Variants in PDE10A observed in about 807,000 individuals in gnomAD.
PDE10A encodes the protein cAMP and cAMP-inhibited cGMP 3',5'-cyclic phosphodiesterase 10A.
Under a neutral mutation model 97.7 loss-of-function variants are expected in PDE10A, and 39 were observed. The observed-to-expected ratio is 0.40, with a 90% CI of 0.31 to 0.52. PDE10A has a LOEUF of 0.52. Among genes scored for constraint, PDE10A ranks in the 20% least tolerant of loss-of-function variants. The probability of loss-of-function intolerance (pLI) is 0.56; values close to 1 mark genes in which losing one functional copy is unlikely to be tolerated. For synonymous variants in PDE10A, 371 were observed against 376.8 expected (o/e 0.98, Z 0.18); for missense variants, 731 against 1,047.8 (o/e 0.70, Z 4.17).
intron 1 of PDE10A, among the ~76,000 whole-genome samples, chr6:165,925,733 G>A (rs534218817): frequency 6.6e-6 from 1 of 152,338 alleles, no homozygotes; most frequent in African/African-American, 2.4e-5. Flanking sequence ...GGAGATAAAA[G>A]CATTGGCTGT....
At chr6:165,765,501 G>A (rs1226041767) in intron 1 of PDE10A, among the ~76,000 whole-genome samples, 2 of 152,260 alleles carry the variant, frequency 1.3e-5, no homozygotes, top group African/African-American at 2.4e-5. Flanking sequence ...GGGGGACCCA[G>A]TACACCCTCC....
chr6:165,587,155 T>C (rs1338556439), intron 1 of PDE10A, among the ~76,000 whole-genome samples: 6 of 152,154 alleles, frequency 3.9e-5, no homozygotes, highest in Non-Finnish European at 8.8e-5. Flanking sequence ...TTTTGTCCTG[T>C]TTGTTCTCAT....
At chr6:165,549,811 T>C (rs917023019) in intron 1 of PDE10A, among the ~76,000 whole-genome samples, 3 of 152,336 alleles carry the variant, frequency 2.0e-5, no homozygotes, top group African/African-American at 7.2e-5. Context: ...AAATTATTTA[T>C]TTTAAAAGTC....
At chr6:165,772,160 G>A (rs1244491430) in intron 1 of PDE10A, among the ~76,000 whole-genome samples, 2 of 152,110 alleles carry the variant, frequency 1.3e-5, no homozygotes, top group Non-Finnish European at 1.5e-5. Context: ...AGCCCCACCG[G>A]CAAGTACAAA....
At chr6:165,397,723 A>AAAAAG (rs57074434) in intron 13 of PDE10A, among the ~76,000 whole-genome samples, 1 of 148,088 alleles carries the variant, frequency 6.8e-6, no homozygotes, top group Non-Finnish European at 1.5e-5. Context: ...AAAAAAAAAA[A>AAAAAG]GAATGAAGCT....
chr6:165,574,621 G>A (rs1023164871), intron 1 of PDE10A, among the ~76,000 whole-genome samples: 7 of 152,076 alleles, frequency 4.6e-5, no homozygotes, highest in East Asian at 3.9e-4. Context: ...TAATCTTGTC[G>A]ATGTAATCAA....
chr6:165,865,228 C>T (rs1414246533), intron 1 of PDE10A, among the ~76,000 whole-genome samples: 1 of 152,222 alleles, frequency 6.6e-6, no homozygotes, highest in East Asian at 1.9e-4. Context: ...GACTACTCTA[C>T]TGTGCTCACC....
At chr6:165,789,251 TTC>T (rs1203638671) in intron 1 of PDE10A, among the ~76,000 whole-genome samples, 9 of 152,248 alleles carry the variant, frequency 5.9e-5, no homozygotes, top group African/African-American at 1.9e-4. Context: ...GTTCAACACA[TTC>T]TGTTTCATAA....
intron 1 of PDE10A, among the ~76,000 whole-genome samples, chr6:165,907,845 A>G (rs1262092242): frequency 6.6e-6 from 1 of 152,232 alleles, no homozygotes; most frequent in African/African-American, 2.4e-5. Flanking sequence ...TAGCTCTGCA[A>G]AATAGTTTGT....
intron 1 of PDE10A, among the ~76,000 whole-genome samples, chr6:165,876,342 C>G (rs1280350148): frequency 3.9e-5 from 6 of 152,084 alleles, no homozygotes; most frequent in Non-Finnish European, 8.8e-5. Context: ...CAGATGCTGG[C>G]TTTTTTAAAA....
In PDE10A at chr6:165,655,733, AAC is replaced by A. The variant is rs1789918163; in HGVS notation, c.865+6212_865+6213del. Among the ~76,000 whole-genome samples, 1 of 152,136 alleles carries A rather than the reference AAC, an allele frequency of 6.6e-6. No homozygotes were observed. The highest frequency in any genetic ancestry group is 6.5e-5 in the Admixed American group (1 of 15,282). ...AAACCATGGATCACCCACTGCTCAA[AAC>A]CTCCCCAAAGCCTCTGCTTTCATGC... On this transcript the variant is annotated intron_variant, in intron 1 of 21. Coordinates refer to ENST00000539869, the MANE Select transcript of PDE10A (RefSeq NM_001385079.1). The surrounding 1 kb of genome is among the most constrained non-coding windows in gnomAD (Gnocchi z 4.5).
chr6:165,502,766 T>C (rs1186945550), intron 2 of PDE10A, among the ~76,000 whole-genome samples: 1 of 152,142 alleles, frequency 6.6e-6, no homozygotes, highest in African/African-American at 2.4e-5. Context: ...TCACACTACA[T>C]GAGTGTCTTT....
At chr6:165,507,837 T>C (rs1458351418) in intron 2 of PDE10A, among the ~76,000 whole-genome samples, 3 of 152,060 alleles carry the variant, frequency 2.0e-5, no homozygotes, top group Non-Finnish European at 4.4e-5. Context: ...TTTAAAGTCT[T>C]ATCAAGAAAT....
At position 165,569,998 on chromosome 6, in the gene PDE10A, T is replaced by G. The variant is rs562606074; in HGVS notation, c.866-26430A>C. Among the ~76,000 whole-genome samples, 231 of 152,320 alleles carry G rather than the reference T, an allele frequency of 1.5e-3. 1 individual carries two copies. Among genetic ancestry groups the G allele is most frequent in the African/African-American group, 5.4e-3 (223 of 41,574 alleles). ...GTTAGGACACAAACTACAATGTACA[T>G]TCTTCTCTGTTATGGACTAAATTGT... On this transcript the variant is annotated intron_variant, in intron 1 of 21. Coordinates refer to ENST00000539869, the MANE Select transcript of PDE10A (RefSeq NM_001385079.1).
At chr6:165,792,658 G>A (rs1778691779) in intron 1 of PDE10A, among the ~76,000 whole-genome samples, 2 of 152,002 alleles carry the variant, frequency 1.3e-5, no homozygotes, top group Admixed American at 6.6e-5. Flanking sequence ...CCTTGAATGC[G>A]GTCCCGACGC....
intron 1 of PDE10A, among the ~76,000 whole-genome samples, chr6:165,734,993 GTAGGTAGGTAGGTAGGTAGA>G (rs1457248587): frequency 1.4e-5 from 2 of 145,858 alleles, no homozygotes; most frequent in Admixed American, 6.7e-5. Context: ...TAGATAGATA[GTAGGTAGGTAGGTAGGTAGA>G]TAGGTAGGTA....
At chr6:165,586,613 C>A (rs904980591) in intron 1 of PDE10A, among the ~76,000 whole-genome samples, 1 of 152,164 alleles carries the variant, frequency 6.6e-6, no homozygotes, top group Non-Finnish European at 1.5e-5. Flanking sequence ...TGATAGTTTA[C>A]ACCCCTGAAG....
At chr6:165,389,052 A>C (rs1785496706) in intron 16 of PDE10A, among the ~76,000 whole-genome samples, 1 of 152,192 alleles carries the variant, frequency 6.6e-6, no homozygotes. Context: ...CGGCAAGCGC[A>C]GTGTGGGAGA....
chr6:165,692,424 G>A (rs927895357), intron 1 of PDE10A, among the ~76,000 whole-genome samples: 2 of 152,268 alleles, frequency 1.3e-5, no homozygotes, highest in Admixed American at 6.5e-5. Context: ...CCCTACCATC[G>A]TCATCATTTG....
Sources: gnomAD v4.1 joint callset for allele counts (sites outside exome capture counted in the v4.1 genomes callset) on GRCh38, gnomAD v4.1.1 for gene constraint, Gnocchi (gnomAD v3.1) non-coding constraint, MANE v1.5 for transcripts, NCBI Gene and HGNC (gene_info 2026-07-23, HGNC 2026-07-21) for gene names.